Variants in SGCZ observed in about 807,000 individuals in gnomAD.
The protein encoded by SGCZ is zeta-sarcoglycan.
Under a neutral mutation model 41.3 loss-of-function variants are expected in SGCZ, and 40 were observed. That is an observed-to-expected ratio of 0.97 (90% CI 0.75 to 1.26). SGCZ has a LOEUF of 1.26. SGCZ is among the 50% of genes most tolerant of loss of function. The pLI is 0.00. For missense variants in SGCZ, 552 were observed against 369.8 expected (o/e 1.49, Z -4.04); for synonymous variants, 206 against 137.5 (o/e 1.50, Z -3.49).
At chr8:14,765,151 G>T (rs531472482) in intron 1 of SGCZ, among the ~76,000 whole-genome samples, 1 of 152,086 alleles carries the variant, frequency 6.6e-6, no homozygotes, top group Admixed American at 6.6e-5. Flanking sequence ...CCACAATCCC[G>T]GGAAAGCTGT....
At chr8:14,597,656 T>C (rs1805457273) in intron 1 of SGCZ, among the ~76,000 whole-genome samples, 1 of 152,172 alleles carries the variant, frequency 6.6e-6, no homozygotes, top group Admixed American at 6.5e-5. Flanking sequence ...TTTGTATTTT[T>C]AGTAGTAATG....
intron 1 of SGCZ, among the ~76,000 whole-genome samples, chr8:14,738,834 G>T (rs768687913): frequency 1.3e-5 from 2 of 151,982 alleles, no homozygotes; most frequent in Non-Finnish European, 2.9e-5. Flanking sequence ...AGAACGGGCC[G>T]CAGGACAGGG....
chr8:14,208,942 G>A (rs1585233615), intron 4 of SGCZ, among the ~76,000 whole-genome samples: 1 of 152,120 alleles, frequency 6.6e-6, no homozygotes, highest in Non-Finnish European at 1.5e-5. Context: ...CTAACAAAAA[G>A]CAGCCTGTAA....
At chr8:15,084,662 G>A (rs539937219) in intron 1 of SGCZ, among the ~76,000 whole-genome samples, 5 of 152,262 alleles carry the variant, frequency 3.3e-5, no homozygotes, top group African/African-American at 1.2e-4. Context: ...TGAGGCAGGA[G>A]AATCACTTGA....
chr8:14,745,996 C>T (rs964862653), intron 1 of SGCZ, among the ~76,000 whole-genome samples: 1 of 151,806 alleles, frequency 6.6e-6, no homozygotes, highest in Admixed American at 6.6e-5. Flanking sequence ...AGTGCAATAA[C>T]AATTATTATT....
rs148093137 is a variant in SGCZ, at chr8:14,803,104, A to C, written c.40-248178T>G. On this transcript the variant is annotated intron_variant, in intron 1 of 7. Coordinates refer to ENST00000382080, the MANE Select transcript of SGCZ (RefSeq NM_139167.4). ...ACCACCCATGGGGCCTCAGGCAGTC[A>C]CTGACCATGACATATATGTTAAGGG... is the stretch of plus-strand genomic sequence containing the variant. 5.2e-3 allele frequency among the ~76,000 whole-genome samples: 787 copies of C among 152,300 alleles called. 5 individuals carry two copies. The highest frequency in any genetic ancestry group is 8.9e-3 in the Non-Finnish European group (602 of 68,014).
At chr8:14,984,466 T>A (rs1801766271) in intron 1 of SGCZ, among the ~76,000 whole-genome samples, 1 of 152,294 alleles carries the variant, frequency 6.6e-6, no homozygotes, top group East Asian at 1.9e-4. Flanking sequence ...TCTCCTTTAA[T>A]CTATAGATTT....
chr8:14,174,206 T>A (rs1804474961), intron 4 of SGCZ, among the ~76,000 whole-genome samples: 1 of 152,048 alleles, frequency 6.6e-6, no homozygotes. Flanking sequence ...TTGAAACACT[T>A]TACCTGTTTT....
chr8:14,701,597 C>G (rs1014289509), intron 1 of SGCZ, among the ~76,000 whole-genome samples: 5 of 152,068 alleles, frequency 3.3e-5, no homozygotes, highest in Admixed American at 6.6e-5. Flanking sequence ...TTATGTTTGT[C>G]AACAAACTAT....
chr8:14,673,849 A>C (rs1363325558), intron 1 of SGCZ, among the ~76,000 whole-genome samples: 1 of 152,186 alleles, frequency 6.6e-6, no homozygotes, highest in Admixed American at 6.5e-5. Flanking sequence ...AGAAAACTAA[A>C]AGTAAACACA....
intron 1 of SGCZ, among the ~76,000 whole-genome samples, chr8:14,852,237 C>A (rs1455207030): frequency 1.3e-5 from 2 of 152,054 alleles, no homozygotes; most frequent in African/African-American, 4.8e-5. Context: ...ATATTTGGAG[C>A]ATGTACTATA....
At chr8:15,203,293 T>G (rs1800956083) in intron 1 of SGCZ, among the ~76,000 whole-genome samples, 1 of 152,202 alleles carries the variant, frequency 6.6e-6, no homozygotes, top group Admixed American at 6.5e-5. Context: ...TAAACGGTCT[T>G]TTGCCTTTTA....
At chr8:14,990,047 C>CTGA (rs1306249795) in intron 1 of SGCZ, among the ~76,000 whole-genome samples, 2 of 152,140 alleles carry the variant, frequency 1.3e-5, no homozygotes, top group African/African-American at 4.8e-5. Flanking sequence ...TTGTTATTTG[C>CTGA]TGATAACCAA....
intron 2 of SGCZ, among the ~76,000 whole-genome samples, chr8:14,370,120 G>A (rs1420061056): frequency 6.6e-6 from 1 of 151,904 alleles, no homozygotes; most frequent in Non-Finnish European, 1.5e-5. Flanking sequence ...AAGATGTAGG[G>A]GAGGATATGA....
intron 2 of SGCZ, among the ~76,000 whole-genome samples, chr8:14,415,239 CA>C (rs1343573545): frequency 2.6e-5 from 4 of 151,962 alleles, no homozygotes; most frequent in African/African-American, 9.6e-5. Context: ...TGTTTTCAAT[CA>C]TATAAGTTCC....
At chr8:15,176,217 TC>T (rs1426609184) in intron 1 of SGCZ, among the ~76,000 whole-genome samples, 2 of 152,214 alleles carry the variant, frequency 1.3e-5, no homozygotes, top group Non-Finnish European at 2.9e-5. Flanking sequence ...TTACTCACCT[TC>T]TAGTCTGTAC....
At chr8:14,394,253 T>A (rs576202339) in intron 2 of SGCZ, among the ~76,000 whole-genome samples, 39 of 150,382 alleles carry the variant, frequency 2.6e-4, no homozygotes, top group Non-Finnish European at 4.3e-4. Context: ...CAGGTTTAAG[T>A]GATTCTCCTG....
intron 1 of SGCZ, among the ~76,000 whole-genome samples, chr8:15,098,686 A>G (rs1180513177): frequency 1.3e-5 from 2 of 152,176 alleles, no homozygotes; most frequent in Non-Finnish European, 2.9e-5. Flanking sequence ...AGTTTAATAA[A>G]TCTTTTCTCT....
rs775221617 is a variant in SGCZ at position 14,085,107 on chromosome 8, C to G, written c.*5336G>C. ...ACTGATTTTTGAATAGATATGTTAT[C>G]TACAGTTTATAGGGCAGACAGTCCA... On this transcript the variant is annotated 3_prime_UTR_variant, in exon 8 of 8. Coordinates refer to ENST00000382080, the MANE Select transcript of SGCZ (RefSeq NM_139167.4). 6.6e-5 allele frequency among the ~76,000 whole-genome samples: 10 copies of G among 151,642 alleles called. No homozygotes were observed. Among genetic ancestry groups the G allele is most frequent in the Non-Finnish European group, 1.5e-4 (10 of 67,806 alleles).
Sources: gnomAD v4.1 joint callset for allele counts (sites outside exome capture counted in the v4.1 genomes callset) on GRCh38, gnomAD v4.1.1 for gene constraint, MANE v1.5 for transcripts, NCBI Gene and HGNC (gene_info 2026-07-23, HGNC 2026-07-21) for gene names.